Variants in PPP2R2C observed in about 807,000 individuals in gnomAD.
The protein encoded by PPP2R2C is protein phosphatase 2, regulatory subunit B, gamma.
In PPP2R2C, 10 loss-of-function variants were observed where a neutral mutation model predicts 45.3. The ratio of observed to expected loss-of-function variants is 0.22; its 90% CI spans 0.14 to 0.37. PPP2R2C has a LOEUF of 0.37. Among genes scored for constraint, PPP2R2C ranks in the 10% least tolerant of loss-of-function variants. PPP2R2C has a pLI of 1.00. For missense variants in PPP2R2C, 308 were observed against 619.7 expected (o/e 0.50, Z 5.34); for synonymous variants, 257 against 245.4 (o/e 1.05, Z -0.44).
intron 1 of PPP2R2C, among the ~76,000 whole-genome samples, chr4:6,550,643 T>C (rs750998915): frequency 8.5e-5 from 13 of 152,198 alleles, no homozygotes; most frequent in Admixed American, 2.0e-4. Context: ...GGACACTCTT[T>C]TTTATTTAGA....
intron 1 of PPP2R2C, among the ~76,000 whole-genome samples, chr4:6,447,797 G>A (rs757245534): frequency 1.5e-4 from 23 of 152,220 alleles, no homozygotes; most frequent in Non-Finnish European, 3.2e-4. Flanking sequence ...CGGGGTCTCC[G>A]TTTTCTCCCG....
intron 1 of PPP2R2C, among the ~76,000 whole-genome samples, chr4:6,536,664 A>C (rs1268539536): frequency 6.6e-6 from 1 of 152,242 alleles, no homozygotes; most frequent in Non-Finnish European, 1.5e-5. Context: ...GCAGCTCCAC[A>C]GGGGACAATT....
intron 2 of PPP2R2C, among the ~76,000 whole-genome samples, chr4:6,524,599 C>T: frequency 6.6e-6 from 1 of 152,150 alleles, no homozygotes; most frequent in East Asian, 1.9e-4. Context: ...CAGCCTTTGC[C>T]TTATTTGAAT....
At chr4:6,377,972 G>A (rs2109307293) in intron 3 of PPP2R2C, among the ~76,000 whole-genome samples, 2 of 152,318 alleles carry the variant, frequency 1.3e-5, no homozygotes, top group East Asian at 1.9e-4. Flanking sequence ...CCAGTCTAGG[G>A]GTCTGGATTC....
At chr4:6,383,272 G>T in intron 1 of PPP2R2C, 2 of 1,241,100 alleles carry the variant, frequency 1.6e-6, no homozygotes, top group Non-Finnish European at 2.1e-6. Context: ...CCTCCAGCAG[G>T]GCCCCACTGA....
At chr4:6,434,253 C>T (rs532737082) in intron 1 of PPP2R2C, among the ~76,000 whole-genome samples, 1 of 152,250 alleles carries the variant, frequency 6.6e-6, no homozygotes, top group South Asian at 2.1e-4. Flanking sequence ...GTAAACAGTC[C>T]CCTGTGATGG....
At chr4:6,546,718 A>C (rs80278026) in intron 1 of PPP2R2C, among the ~76,000 whole-genome samples, 2,163 of 152,332 alleles carry the variant, frequency 0.014, 43 homozygotes, top group African/African-American at 0.048. Flanking sequence ...ACAGGGCTGA[A>C]GCCCTCAGGA....
intron 1 of PPP2R2C, among the ~76,000 whole-genome samples, chr4:6,470,299 T>C (rs1368902711): frequency 3.3e-5 from 5 of 152,196 alleles, no homozygotes; most frequent in Non-Finnish European, 7.3e-5. Context: ...AAATATCTCG[T>C]GTCTGGATGA....
At chr4:6,526,621 C>T (rs1360927400) in intron 2 of PPP2R2C, among the ~76,000 whole-genome samples, 3 of 152,112 alleles carry the variant, frequency 2.0e-5, no homozygotes, top group Non-Finnish European at 4.4e-5. Context: ...TGGCCCTGGG[C>T]AGCGAGAATG....
rs1007082534 is a variant in PPP2R2C at position 6,323,248 on chromosome 4, T to C, written c.*54A>G. ...CCTTGCATTGCGGTCGTGAAGGTCATGTCGGGGATGACTTGCATGAGGCTG... is the reference window on the plus strand; with the variant it reads ...CCTTGCATTGCGGTCGTGAAGGTCACGTCGGGGATGACTTGCATGAGGCTG... On this transcript the variant is annotated 3_prime_UTR_variant, in exon 9 of 9. Coordinates refer to ENST00000382599, the MANE Select transcript of PPP2R2C (RefSeq NM_020416.4). 6.5e-6 allele frequency: 10 copies of C among 1,541,936 alleles called. No individual in the cohort carries two copies. Among genetic ancestry groups the C allele is most frequent in the Non-Finnish European group, 7.1e-6 (8 of 1,133,308 alleles).
At chr4:6,552,299 C>G (rs1725209437) in intron 1 of PPP2R2C, among the ~76,000 whole-genome samples, 1 of 152,174 alleles carries the variant, frequency 6.6e-6, no homozygotes. Context: ...TTCTGGAGGT[C>G]AGAAGTCTGA....
chr4:6,502,682 C>G (rs765266307), intron 2 of PPP2R2C, among the ~76,000 whole-genome samples: 2 of 152,136 alleles, frequency 1.3e-5, no homozygotes, highest in Non-Finnish European at 2.9e-5. Flanking sequence ...GTTCCAGATA[C>G]CCTGGAAAAG....
intron 8 of PPP2R2C, 99 bp from the exon 9 acceptor site, chr4:6,323,692 TTGGGAGGCCCCGG>T (rs1731713180): frequency 7.9e-7 from 1 of 1,262,570 alleles, no homozygotes; most frequent in Non-Finnish European, 1.0e-6. Context: ...TCCCAGGACT[TTGGGAGGCCCCGG>T]TGGGAGGATT....
chr4:6,542,190 C>T (rs899336844), intron 1 of PPP2R2C, among the ~76,000 whole-genome samples: 3 of 152,034 alleles, frequency 2.0e-5, no homozygotes, highest in Non-Finnish European at 2.9e-5. Context: ...CCCTGGTCGC[C>T]CAACAATAAC....
At position 6,494,513 on chromosome 4, in the gene PPP2R2C, C is replaced by T. The variant is rs138558608; in HGVS notation, c.49+40758G>A. On this transcript the variant is annotated intron_variant, in intron 2 of 9. Transcript: ENST00000506140. Reference sequence around the variant, plus strand: ...AATGTAACACCGAAGCACTGGTCTCCGAGACGGAGGGCCACCTGGACCACA... The same window carrying T: ...AATGTAACACCGAAGCACTGGTCTCTGAGACGGAGGGCCACCTGGACCACA... Among the ~76,000 whole-genome samples, 446 of 152,344 alleles carry T rather than the reference C, an allele frequency of 2.9e-3. 1 individual carries two copies. Among genetic ancestry groups the T allele is most frequent in the African/African-American group, 0.01 (420 of 41,574 alleles).
At chr4:6,402,154 G>A (rs1171973239) in intron 1 of PPP2R2C, among the ~76,000 whole-genome samples, 3 of 152,162 alleles carry the variant, frequency 2.0e-5, no homozygotes, top group Non-Finnish European at 4.4e-5. Context: ...CCACCTGGAC[G>A]ACTGTGATCT....
chr4:6,333,360 CT>C (rs1732569051), intron 7 of PPP2R2C, among the ~76,000 whole-genome samples: 1 of 152,250 alleles, frequency 6.6e-6, no homozygotes, highest in Non-Finnish European at 1.5e-5. Context: ...ACATCCAAAG[CT>C]CCCTGTGAGG....
In PPP2R2C at chr4:6,328,164, C is replaced by G. The variant is rs1169894365; in HGVS notation, c.1052+1098G>C. ...GGACAGCCCCCCACCAGGTGATGCC[C>G]AAGTCAGGGCTGCTGGCTCTCACTC... On this transcript the variant is annotated intron_variant, in intron 8 of 8. Coordinates refer to ENST00000382599, the MANE Select transcript of PPP2R2C (RefSeq NM_020416.4). The surrounding 1 kb of genome is among the most constrained non-coding windows in gnomAD (Gnocchi z 4.4). Among the ~76,000 whole-genome samples, 1 of 152,192 alleles carries G rather than the reference C, an allele frequency of 6.6e-6. No homozygotes were observed. Among genetic ancestry groups the G allele is most frequent in the African/African-American group, 2.4e-5 (1 of 41,450 alleles).
chr4:6,347,462 T>C (rs1712086086), intron 6 of PPP2R2C, among the ~76,000 whole-genome samples: 1 of 152,042 alleles, frequency 6.6e-6, no homozygotes, highest in Non-Finnish European at 1.5e-5. Context: ...GTGGCTAGTT[T>C]TGGAAGAGGG....
Sources: gnomAD v4.1 joint callset for allele counts (sites outside exome capture counted in the v4.1 genomes callset) on GRCh38, gnomAD v4.1.1 for gene constraint, Gnocchi (gnomAD v3.1) non-coding constraint, MANE v1.5 for transcripts, NCBI Gene and HGNC (gene_info 2026-07-23, HGNC 2026-07-21) for gene names.